HNRNPR: variants seen among roughly 807,000 people sequenced by gnomAD.
HNRNPR encodes the protein heterogeneous nuclear ribonucleoprotein R.
In HNRNPR, 4 loss-of-function variants were observed where a neutral mutation model predicts 70.3. That is an observed-to-expected ratio of 0.06 (90% CI 0.03 to 0.13). The LOEUF is 0.13. HNRNPR is among the 10% of genes least tolerant of loss of function. The probability of loss-of-function intolerance (pLI) is 1.00; values close to 1 mark genes in which losing one functional copy is unlikely to be tolerated. For missense variants in HNRNPR, 423 were observed against 788.5 expected, an observed-to-expected ratio of 0.54 and a Z score of 5.55; for synonymous variants, 241 against 267.6, an observed-to-expected ratio of 0.90 and a Z score of 0.97.
At chr1:23,338,044 T>C (rs935661246) in intron 3 of HNRNPR, 183 bp from the exon 4 acceptor site, 8 of 536,218 alleles carry the variant, frequency 1.5e-5, no homozygotes, top group Non-Finnish European at 2.0e-5. Flanking sequence ...TAAGGCAGTA[T>C]AGACCTCAGG....
intron 1 of HNRNPR, among the ~76,000 whole-genome samples, chr1:23,341,361 C>G (rs1646698524): frequency 6.6e-6 from 1 of 152,134 alleles, no homozygotes; most frequent in African/African-American, 2.4e-5. Flanking sequence ...TAAAAAGCCC[C>G]TCAGCTCTCG....
intron 1 of HNRNPR, among the ~76,000 whole-genome samples, chr1:23,343,850 G>C (rs577121003): frequency 1.3e-5 from 2 of 152,104 alleles, no homozygotes; most frequent in South Asian, 4.1e-4. Flanking sequence ...AAGCGGCTCC[G>C]GCGGGGAGAA....
Position 23,318,637 on chromosome 1 carries a change from T to C in HNRNPR, c.863A>G (p.Asn288Ser). The change falls in exon 8 of 11, where the codon AAT (asparagine) becomes AGT (serine). Residue 288 changes from asparagine to serine, a missense_variant. By Grantham distance (46) the Asn-to-Ser change is conservative (BLOSUM62 1). This residue lies in a region of HNRNPR where 118 missense variants were observed against 239.3 expected (regional missense o/e 0.49). Coordinates refer to ENST00000302271, the MANE Select transcript of HNRNPR (RefSeq NM_005826.5). This position sits in a 1 kb window ranked among gnomAD's most constrained non-coding sequence, Gnocchi z 4.2. ...ATATTCAAGGAAGCAGAACCCCCGA[T>C]TCTTCTTTTTGTCATCGGGTTGATG... Reference protein sequence around the residue: ...LYHQPDDKKKNRGFCFLEYED... With the variant: ...LYHQPDDKKKSRGFCFLEYED... 1 of 1,614,198 alleles carries C rather than the reference T, an allele frequency of 6.2e-7. No individual in the cohort carries two copies. The highest frequency in any genetic ancestry group is 8.5e-7 in the Non-Finnish European group (1 of 1,180,028).
chr1:23,312,688 G>GT (rs1174767078), intron 9 of HNRNPR, among the ~76,000 whole-genome samples: 5 of 152,140 alleles, frequency 3.3e-5, no homozygotes. Context: ...TATAAAGCCT[G>GT]TTTTAAAAGC....
chr1:23,324,254 C>A (rs1645871708), intron 5 of HNRNPR, among the ~76,000 whole-genome samples: 1 of 152,066 alleles, frequency 6.6e-6, no homozygotes, highest in Non-Finnish European at 1.5e-5. Flanking sequence ...ATCTCCTCAA[C>A]TCTAAAATCT....
intron 5 of HNRNPR, among the ~76,000 whole-genome samples, chr1:23,324,431 G>C (rs1645880536): frequency 1.3e-5 from 2 of 152,112 alleles, no homozygotes; most frequent in Admixed American, 1.3e-4. Context: ...CTCCGGGCAT[G>C]GTGGCAGGCG....
chr1:23,311,068 T>C lies in HNRNPR; in HGVS notation c.1290-2A>G. ...GGGTGGTAGTAATAATCTTCATACC[T>C]AGCAAAGTAGAGAAGGGAGAAAAGA... On this transcript the variant is annotated splice_acceptor_variant, in intron 10 of 10. Coordinates refer to ENST00000302271, the MANE Select transcript of HNRNPR (RefSeq NM_005826.5). LOFTEE classifies it high-confidence loss of function. The C allele has an allele frequency of 6.2e-7, 1 of 1,612,918 alleles. No homozygotes were observed. The highest frequency in any genetic ancestry group is 8.5e-7 in the Non-Finnish European group (1 of 1,179,390).
At chr1:23,336,270 CA>C (rs923225126) in intron 4 of HNRNPR, among the ~76,000 whole-genome samples, 2 of 146,952 alleles carry the variant, frequency 1.4e-5, no homozygotes, top group African/African-American at 2.5e-5. Flanking sequence ...TACCAAAAAA[CA>C]AAAAAAATTA....
rs183563980 is a variant in HNRNPR, at chr1:23,338,293, G to A, written c.276+197C>T. 223 of 396,396 alleles carry A rather than the reference G, an allele frequency of 5.6e-4. 1 individual carries two copies. The highest frequency in any genetic ancestry group is 1.0e-4 in the Non-Finnish European group (23 of 222,724). The allele number at this position is 396,396 out of a possible 1,614,324, so 24.6% of individuals were successfully genotyped here. A position where few individuals can be genotyped will look rare whatever the true frequency, so the allele number is the denominator to read the frequency against. ...GTTTTTAAAATAACTTACTGCACAA[G>A]GGGGTGGGAGAAAACTTTTGCTTTA... On this transcript the variant is annotated intron_variant, in intron 3 of 10. Coordinates refer to ENST00000302271, the MANE Select transcript of HNRNPR (RefSeq NM_005826.5).
chr1:23,329,916 C>T (rs1296001658), intron 5 of HNRNPR, among the ~76,000 whole-genome samples: 6 of 152,196 alleles, frequency 3.9e-5, no homozygotes, highest in Non-Finnish European at 7.3e-5. Flanking sequence ...CAAGCATGAG[C>T]CACCACACCC....
Position 23,309,037 on chromosome 1 carries a change from CTCAAGCAAAAAAGTCATTAGAATAAA to C in HNRNPR, c.*1391_*1416del, listed in dbSNP as rs1443353111. 2 of 151,972 alleles carry C rather than the reference CTCAAGCAAAAAAGTCATTAGAATAAA, an allele frequency of 1.3e-5. No homozygotes were observed. The highest frequency in any genetic ancestry group is 2.9e-5 in the Non-Finnish European group (2 of 67,922). The allele number at this position is 151,972 out of a possible 1,614,324, so 9.4% of individuals were successfully genotyped here. On this transcript the variant is annotated 3_prime_UTR_variant, in exon 11 of 11. Coordinates refer to ENST00000302271, the MANE Select transcript of HNRNPR (RefSeq NM_005826.5). The stretch of plus-strand genomic sequence containing the variant: ...CTTAGATTCTTTTGTTCCTCTCATT[CTCAAGCAAAAAAGTCATTAGAATAAA>C]TCAGAATTTCTAAAGGAAATAGGGA...
intron 4 of HNRNPR, among the ~76,000 whole-genome samples, 165 bp downstream of exon 4, chr1:23,337,589 G>A (rs1172435010): frequency 1.3e-5 from 2 of 150,402 alleles, no homozygotes; most frequent in South Asian, 2.1e-4. Flanking sequence ...CTTGGGAGGT[G>A]GAGCTTGCAG....
At position 23,336,116 on chromosome 1, in the gene HNRNPR, C is replaced by CAAAAAAAAAAAAAAAA. The variant is rs71020498; in HGVS notation, c.384+1622_384+1637dup. ...TGGGCGACAGAGCGAGACTCCGTCT[C>CAAAAAAAAAAAAAAAA]AAAAAAAAAAAAAAAAGTCTATCAC... On this transcript the variant is annotated intron_variant, in intron 4 of 10. Transcript: ENST00000302271. Among the ~76,000 whole-genome samples the CAAAAAAAAAAAAAAAA allele has an allele frequency of 1.4e-4, 7 of 49,478 alleles. 1 individual carries two copies. Among genetic ancestry groups the CAAAAAAAAAAAAAAAA allele is most frequent in the South Asian group, 6.6e-4 (1 of 1,508 alleles). 32.5% of individuals were successfully genotyped at this position (49,478 alleles called of 152,430 possible). A position where few individuals can be genotyped will look rare whatever the true frequency, so the allele number is the denominator to read the frequency against.
chr1:23,313,413 A>C, intron 9 of HNRNPR, 140 bp downstream of exon 9: 2 of 612,782 alleles, frequency 3.3e-6, no homozygotes, highest in South Asian at 4.5e-5. Flanking sequence ...ACATACTATT[A>C]CCACTTTACA....
chr1:23,330,197 C>T (rs997279530), intron 5 of HNRNPR, among the ~76,000 whole-genome samples: 2 of 152,106 alleles, frequency 1.3e-5, no homozygotes, highest in Non-Finnish European at 2.9e-5. Context: ...TTATTATACA[C>T]AGTCATGACC....
intron 5 of HNRNPR, among the ~76,000 whole-genome samples, chr1:23,328,915 T>A (rs938777224): frequency 6.6e-6 from 1 of 152,128 alleles, no homozygotes; most frequent in African/African-American, 2.4e-5. Flanking sequence ...GCCCAGGAGT[T>A]TGAGACCAGG....
Position 23,309,178 on chromosome 1 carries a change from G to T in HNRNPR, c.*1276C>A, listed in dbSNP as rs559983999. 7.2e-5 allele frequency: 11 copies of T among 152,156 alleles called. No homozygotes were observed. The highest frequency in any genetic ancestry group is 2.6e-4 in the African/African-American group (11 of 41,548). 9.4% of individuals were successfully genotyped at this position (152,156 alleles called of 1,614,324 possible). A position where few individuals can be genotyped will look rare whatever the true frequency, so the allele number is the denominator to read the frequency against. On this transcript the variant is annotated 3_prime_UTR_variant, in exon 11 of 11. Coordinates refer to ENST00000302271, the MANE Select transcript of HNRNPR (RefSeq NM_005826.5). ...AACGAAGTGTTAACAGAAAGTCAAA[G>T]GTATTACTACTGGATATTTTTAAGC... is the stretch of plus-strand genomic sequence containing the variant.
In HNRNPR at chr1:23,337,868, C is replaced by A; in HGVS notation, c.277-7G>T. On this transcript the variant is annotated splice_polypyrimidine_tract_variant and splice_region_variant and intron_variant, in intron 3 of 10. Transcript: ENST00000302271. The stretch of plus-strand genomic sequence containing the variant: ...ATAAAAATGCACTTTTGTTCTAGAA[C>A]AGACAAGTAATTCAATAAAAAGAAT... 1 of 1,525,618 alleles carries A rather than the reference C, an allele frequency of 6.6e-7. No homozygotes were observed. The highest frequency in any genetic ancestry group is 9.0e-7 in the Non-Finnish European group (1 of 1,109,860). The allele number at this position is 1,525,618 out of a possible 1,614,324, so 94.5% of individuals were successfully genotyped here.
At chr1:23,330,075 C>A (rs947084683) in intron 5 of HNRNPR, among the ~76,000 whole-genome samples, 2 of 152,168 alleles carry the variant, frequency 1.3e-5, no homozygotes, top group African/African-American at 4.8e-5. Flanking sequence ...GTTAAATACA[C>A]TGGGGTTCTG....
Sources: gnomAD v4.1 joint callset for allele counts (sites outside exome capture counted in the v4.1 genomes callset) on GRCh38, gnomAD v4.1.1 for gene constraint, gnomAD v4.1.1 regional missense constraint, Gnocchi (gnomAD v3.1) non-coding constraint, MANE v1.5 for transcripts, NCBI Gene and HGNC (gene_info 2026-07-23, HGNC 2026-07-21) for gene names.